Variants in DPP6 observed in about 807,000 individuals in gnomAD.
The protein encoded by DPP6 is A-type potassium channel modulatory protein DPP6.
A neutral mutation model predicts 122.6 loss-of-function variants in DPP6; 69 were observed. That is an observed-to-expected ratio of 0.56 (90% CI 0.46 to 0.69). The LOEUF is 0.69. Ranked by LOEUF, DPP6 falls within the 30% of genes least tolerant of loss-of-function variation. The pLI is 0.00. For missense variants in DPP6, 928 were observed against 1,116.9 expected, an observed-to-expected ratio of 0.83 and a Z score of 2.41; for synonymous variants, 418 against 433.1, an observed-to-expected ratio of 0.97 and a Z score of 0.43.
At chr7:153,980,501 C>T (rs1796529839) in intron 1 of DPP6, among the ~76,000 whole-genome samples, 1 of 152,016 alleles carries the variant, frequency 6.6e-6, no homozygotes, top group African/African-American at 2.4e-5. Context: ...AAAACCAGCT[C>T]CTGGATTCAT....
At chr7:154,703,889 A>T (rs1334493192) in intron 7 of DPP6, among the ~76,000 whole-genome samples, 1 of 151,978 alleles carries the variant, frequency 6.6e-6, no homozygotes, top group Non-Finnish European at 1.5e-5. Flanking sequence ...GTGAGCCAAG[A>T]TCGCGCCACT....
chr7:154,304,576 C>CCTCT (rs373376579), intron 1 of DPP6, among the ~76,000 whole-genome samples: 1 of 149,390 alleles, frequency 6.7e-6, no homozygotes, highest in African/African-American at 2.5e-5. Context: ...TTTTTTTTTT[C>CCTCT]CTCTCTCTCT....
chr7:153,902,118 G>A (rs1485953512), intron 1 of DPP6, among the ~76,000 whole-genome samples: 1 of 152,182 alleles, frequency 6.6e-6, no homozygotes, highest in Non-Finnish European at 1.5e-5. Context: ...AAACCAGAAT[G>A]GTGATGCACA....
chr7:154,132,063 T>C (rs1203935765), intron 1 of DPP6, among the ~76,000 whole-genome samples: 5 of 152,172 alleles, frequency 3.3e-5, no homozygotes, highest in Non-Finnish European at 7.3e-5. Flanking sequence ...TCCTCCTAAA[T>C]TTAACCTAGG....
chr7:154,526,841 G>A (rs1827445243), intron 3 of DPP6, among the ~76,000 whole-genome samples: 1 of 152,206 alleles, frequency 6.6e-6, no homozygotes, highest in Admixed American at 6.5e-5. Flanking sequence ...TGGCTGCTGT[G>A]AGTTCATAGG....
rs1049156290 is a variant in DPP6 at position 154,600,436 on chromosome 7, G to T, written c.627+33520G>T. Among the ~76,000 whole-genome samples, 13 of 120,878 alleles carry T rather than the reference G, an allele frequency of 1.1e-4. 3 individuals carry two copies. The highest frequency in any genetic ancestry group is 4.6e-4 in the Admixed American group (5 of 10,846). The allele number at this position is 120,878 out of a possible 152,430, so 79.3% of individuals were successfully genotyped here. A position where few individuals can be genotyped will look rare whatever the true frequency, so the allele number is the denominator to read the frequency against. ...GAGCCACCATGCCCGGCCCTTTTAT[G>T]TAATCTCTTATCCTGTCCCAAAGAC... On this transcript the variant is annotated intron_variant, in intron 5 of 25. Transcript: ENST00000377770.
intron 3 of DPP6, among the ~76,000 whole-genome samples, chr7:154,487,533 T>C (rs1287840641): frequency 6.6e-6 from 1 of 152,184 alleles, no homozygotes; most frequent in East Asian, 1.9e-4. Context: ...ATGCAGGAGT[T>C]TGTTTTACTT....
At chr7:153,847,711 T>C in the DPP6 span, among the ~76,000 whole-genome samples, 2 of 152,208 alleles carry the variant, frequency 1.3e-5, no homozygotes, top group Non-Finnish European at 2.9e-5. Flanking sequence ...AGTTAAAATC[T>C]AAATTGTCTT....
the DPP6 span, among the ~76,000 whole-genome samples, chr7:153,821,107 TTA>T: frequency 3.3e-5 from 5 of 152,242 alleles, no homozygotes; most frequent in African/African-American, 1.2e-4. Context: ...TTTTGAATTT[TTA>T]TTTTAATATA....
At chr7:154,654,114 G>C (rs1034593395) in intron 6 of DPP6, among the ~76,000 whole-genome samples, 1 of 152,122 alleles carries the variant, frequency 6.6e-6, no homozygotes, top group Non-Finnish European at 1.5e-5. Flanking sequence ...GTAGTCTAGA[G>C]GTGGCTTAAA....
At chr7:154,709,586 C>CTT (rs3080667) in intron 7 of DPP6, among the ~76,000 whole-genome samples, 53,778 of 141,384 alleles carry the variant, frequency 0.38, 11,211 homozygotes, top group Non-Finnish European at 0.48. Context: ...CGACATTTTT[C>CTT]TTTTTTTTTT....
intron 1 of DPP6, among the ~76,000 whole-genome samples, chr7:154,013,142 C>A (rs1217474473): frequency 6.6e-6 from 1 of 152,210 alleles, no homozygotes; most frequent in African/African-American, 2.4e-5. Context: ...GTGAGGAGCC[C>A]CCTCATGCTT....
intron 1 of DPP6, among the ~76,000 whole-genome samples, chr7:154,018,157 G>C (rs1343150980): frequency 6.6e-6 from 1 of 151,768 alleles, no homozygotes; most frequent in Non-Finnish European, 1.5e-5. Context: ...CCACCACGAG[G>C]CCCCCTATCC....
intron 2 of DPP6, among the ~76,000 whole-genome samples, chr7:154,446,790 C>G (rs564997247): frequency 1.3e-5 from 2 of 152,264 alleles, no homozygotes; most frequent in African/African-American, 4.8e-5. Flanking sequence ...AGAAAAGACA[C>G]TAAAATCCAC....
intron 1 of DPP6, among the ~76,000 whole-genome samples, chr7:154,301,959 A>C (rs1335479232): frequency 3.9e-5 from 6 of 152,108 alleles, no homozygotes; most frequent in Non-Finnish European, 8.8e-5. Context: ...CTAGGACTAC[A>C]GGAGCGTGAC....
the DPP6 span, among the ~76,000 whole-genome samples, chr7:153,805,708 T>G: frequency 6.6e-6 from 1 of 152,114 alleles, no homozygotes; most frequent in African/African-American, 2.4e-5. Context: ...TGTAGGGACA[T>G]GGATAAAGCT....
chr7:154,071,608 C>CTGTA (rs150684711), intron 1 of DPP6, among the ~76,000 whole-genome samples: 7,407 of 152,246 alleles, frequency 0.049, 534 homozygotes, highest in African/African-American at 0.17. Context: ...CATGACCCAG[C>CTGTA]TGTATAATTA....
intron 4 of DPP6, among the ~76,000 whole-genome samples, chr7:154,554,625 T>C (rs1039309413): frequency 6.6e-6 from 1 of 152,194 alleles, no homozygotes; most frequent in East Asian, 1.9e-4. Context: ...AATGGGATCA[T>C]CATACATGTA....
At chr7:154,375,562 G>A (rs570730453) in intron 1 of DPP6, among the ~76,000 whole-genome samples, 18 of 152,284 alleles carry the variant, frequency 1.2e-4, no homozygotes, top group Non-Finnish European at 2.4e-4. Context: ...GATGGGATCA[G>A]TATCCTTATA....
Sources: gnomAD v4.1 joint callset for allele counts (sites outside exome capture counted in the v4.1 genomes callset) on GRCh38, gnomAD v4.1.1 for gene constraint, MANE v1.5 for transcripts, NCBI Gene and HGNC (gene_info 2026-07-23, HGNC 2026-07-21) for gene names.